RALGPS1: variants seen among roughly 807,000 people sequenced by gnomAD.
RALGPS1 encodes the protein Ral GEF with PH domain and SH3 binding motif 1, also known as ras-specific guanine nucleotide-releasing factor RalGPS1.
RALGPS1 carries 19 observed loss-of-function variants against 78.8 expected under a neutral mutation model. That is an observed-to-expected ratio of 0.24 (90% confidence interval 0.17 to 0.35). The LOEUF is 0.35. Among genes scored for constraint, RALGPS1 ranks in the 10% least tolerant of loss-of-function variants. The probability of loss-of-function intolerance (pLI) is 1.00; values close to 1 mark genes in which losing one functional copy is unlikely to be tolerated. For synonymous variants in RALGPS1, 228 were observed against 256.3 expected (o/e 0.89, Z 1.06); for missense variants, 454 against 688.3 (o/e 0.66, Z 3.81).
chr9:126,914,887 GC>G lies in RALGPS1; in HGVS notation c.-150del. Reference sequence around the variant, plus strand: ...CCCGGCCCCGGCCCGGCTCGGCGTGGCCCCGGCCTCCAAGCGAAGGCGCCGC... The same window carrying G: ...CCCGGCCCCGGCCCGGCTCGGCGTGGCCCGGCCTCCAAGCGAAGGCGCCGC... On this transcript the variant is annotated 5_prime_UTR_variant, in exon 1 of 19. Transcript: ENST00000259351. The G allele has an allele frequency of 6.6e-6, 1 of 152,062 alleles. No homozygotes were observed. The highest frequency in any genetic ancestry group is 2.0e-4 in the South Asian group (1 of 4,992). The allele number at this position is 152,062 out of a possible 1,614,324, so 9.4% of individuals were successfully genotyped here. A position where few individuals can be genotyped will look rare whatever the true frequency, so the allele number is the denominator to read the frequency against.
intron 1 of RALGPS1, among the ~76,000 whole-genome samples, chr9:126,947,304 G>C (rs776451833): frequency 2.0e-5 from 3 of 152,170 alleles, no homozygotes; most frequent in Non-Finnish European, 4.4e-5. Context: ...AGTAGGTACA[G>C]GGGTAGGTAC....
At chr9:126,997,862 G>T (rs1019086442) in intron 4 of RALGPS1, among the ~76,000 whole-genome samples, 1 of 152,086 alleles carries the variant, frequency 6.6e-6, no homozygotes, top group African/African-American at 2.4e-5. Flanking sequence ...CAGAAACAAT[G>T]CTTCGTATCT....
At chr9:126,957,220 T>G (rs2038430412) in intron 1 of RALGPS1, among the ~76,000 whole-genome samples, 1 of 152,194 alleles carries the variant, frequency 6.6e-6, no homozygotes, top group Admixed American at 6.5e-5. Context: ...GGTGGTGCCC[T>G]TCAGATGGGC....
intron 11 of RALGPS1, among the ~76,000 whole-genome samples, chr9:127,191,229 C>G (rs759010146): frequency 2.6e-5 from 4 of 152,144 alleles, no homozygotes; most frequent in Admixed American, 6.5e-5. Flanking sequence ...TGTTTTGGTA[C>G]AGACATTTAA....
chr9:127,182,372 C>CCTTCCTTCTTTCCTT (rs2060302260), intron 11 of RALGPS1, among the ~76,000 whole-genome samples: 1 of 32,552 alleles, frequency 3.1e-5, no homozygotes, highest in African/African-American at 1.1e-4. Flanking sequence ...CTTCCTTCCT[C>CCTTCCTTCTTTCCTT]CCTCCCTCCC....
intron 8 of RALGPS1, among the ~76,000 whole-genome samples, chr9:127,077,144 G>A (rs554135104): frequency 6.6e-6 from 1 of 152,106 alleles, no homozygotes; most frequent in Non-Finnish European, 1.5e-5. Context: ...TTTAAGCAAG[G>A]GCATGCTGGG....
chr9:127,141,895 C>T (rs934650952), intron 8 of RALGPS1, among the ~76,000 whole-genome samples: 1 of 151,958 alleles, frequency 6.6e-6, no homozygotes, highest in Non-Finnish European at 1.5e-5. Context: ...ATGAGTTTGT[C>T]ATTTGGGGTT....
intron 1 of RALGPS1, among the ~76,000 whole-genome samples, chr9:126,938,866 A>G (rs1230515014): frequency 1.3e-5 from 2 of 152,204 alleles, no homozygotes; most frequent in Non-Finnish European, 2.9e-5. Context: ...TTAAATGAGA[A>G]TGGAAGAGTA....
chr9:127,101,890 T>C (rs1336195300), intron 8 of RALGPS1, among the ~76,000 whole-genome samples: 1 of 152,208 alleles, frequency 6.6e-6, no homozygotes. Flanking sequence ...TTCAAAAATA[T>C]CAGGGAAAAG....
intron 4 of RALGPS1, among the ~76,000 whole-genome samples, chr9:127,021,814 C>T (rs761617109): frequency 2.4e-4 from 36 of 152,080 alleles, no homozygotes; most frequent in African/African-American, 8.5e-4. Flanking sequence ...GCTCTCAGTC[C>T]GCTAATCGGG....
chr9:127,021,656 T>A (rs2045467652), intron 4 of RALGPS1, among the ~76,000 whole-genome samples: 1 of 147,164 alleles, frequency 6.8e-6, no homozygotes, highest in Non-Finnish European at 1.5e-5. Flanking sequence ...AAAGAGAACA[T>A]CTGAATGATG....
chr9:127,215,248 C>G (rs1382816401), intron 18 of RALGPS1, among the ~76,000 whole-genome samples: 1 of 152,198 alleles, frequency 6.6e-6, no homozygotes. Flanking sequence ...AATAATGCGG[C>G]TAGCTAACTT....
At chr9:126,976,368 T>C (rs2040635955) in intron 3 of RALGPS1, among the ~76,000 whole-genome samples, 1 of 149,420 alleles carries the variant, frequency 6.7e-6, no homozygotes, top group Non-Finnish European at 1.5e-5. Flanking sequence ...CCCTCACACA[T>C]ACACACACTT....
At chr9:127,139,994 G>A (rs984627681) in intron 8 of RALGPS1, among the ~76,000 whole-genome samples, 7 of 152,196 alleles carry the variant, frequency 4.6e-5, no homozygotes, top group African/African-American at 1.2e-4. Flanking sequence ...TTTGGGAAAC[G>A]CAGAGATGAC....
intron 5 of RALGPS1, 77 bp downstream of exon 5, chr9:127,034,591 A>G (rs1457242445): frequency 8.4e-6 from 11 of 1,308,604 alleles, no homozygotes; most frequent in Non-Finnish European, 1.2e-5. Context: ...GCCCCCACCC[A>G]AAGCTGTCTC....
intron 7 of RALGPS1, among the ~76,000 whole-genome samples, chr9:127,064,901 T>TGGTTTGTTTTGTTCTTGTTTTGTTTTG (rs34643790): frequency 2.6e-5 from 4 of 151,848 alleles, no homozygotes; most frequent in Admixed American, 2.0e-4. Flanking sequence ...GTTTTGGTTT[T>TGGTTTGTTTTGTTCTTGTTTTGTTTTG]GTTTGTTTTG....
chr9:127,107,978 G>A (rs1194988288), intron 8 of RALGPS1: 2 of 1,576,718 alleles, frequency 1.3e-6, no homozygotes, highest in African/African-American at 2.7e-5. Context: ...AGAGGGGGTG[G>A]CAGCACCTTC....
chr9:127,073,724 A>G (rs983046341), intron 8 of RALGPS1, among the ~76,000 whole-genome samples: 2 of 152,052 alleles, frequency 1.3e-5, no homozygotes, highest in African/African-American at 4.8e-5. Flanking sequence ...AACAGTGTGT[A>G]GTTCCCTTTT....
At chr9:127,108,417 C>G in intron 8 of RALGPS1, 1 of 1,608,450 alleles carries the variant, frequency 6.2e-7, no homozygotes, top group Non-Finnish European at 8.5e-7. Flanking sequence ...GCTGCTGCAG[C>G]GTCTCGATCT....
Sources: gnomAD v4.1 joint callset for allele counts (sites outside exome capture counted in the v4.1 genomes callset) on GRCh38, gnomAD v4.1.1 for gene constraint, MANE v1.5 for transcripts, NCBI Gene and HGNC (gene_info 2026-07-23, HGNC 2026-07-21) for gene names.